The following SRRM1 variants were observed in gnomAD, a reference collection of about 807,000 sequenced individuals.
The protein encoded by SRRM1 is serine and arginine repetitive matrix 1, also known as serine/arginine repetitive matrix protein 1.
Under a neutral mutation model 110.2 loss-of-function variants are expected in SRRM1, and 19 were observed. The observed-to-expected ratio is 0.17, with a 90% CI of 0.12 to 0.25. SRRM1 has a LOEUF of 0.25. SRRM1 is among the 10% of genes least tolerant of loss of function. SRRM1 has a pLI of 1.00. For missense variants in SRRM1, 918 were observed against 1,145.8 expected, an observed-to-expected ratio of 0.80 and a Z score of 2.87; for synonymous variants, 443 against 414.9, an observed-to-expected ratio of 1.07 and a Z score of -0.82.
rs750987052 is a variant in SRRM1 at position 24,666,862 on chromosome 1, G to A, written c.1676G>A (p.Arg559Gln). 1.1e-5 allele frequency: 18 copies of A among 1,612,836 alleles called. No homozygotes were observed. Among genetic ancestry groups the A allele is most frequent in the Admixed American group, 5.0e-5 (3 of 59,724 alleles). Reference protein sequence around the residue: ...SPSPPPTRRRRSPSPAPPPRR... With the variant: ...SPSPPPTRRRQSPSPAPPPRR... ...TCCCCACCACCCACCAGAAGGCGAC[G>A]GTCTCCTTCTCCCGCCCCTCCTCCT... is the stretch of plus-strand genomic sequence containing the variant. Residue 559 changes from arginine to glutamine, a missense_variant, in exon 13 of 17, where the codon CGG becomes CAG. This residue lies in a region of SRRM1 where 357 missense variants were observed against 402.9 expected (regional missense o/e 0.89). Transcript: ENST00000323848.
At chr1:24,650,208 T>C in intron 5 of SRRM1, 122 bp downstream of exon 5, 1 of 919,092 alleles carries the variant, frequency 1.1e-6, no homozygotes, top group Non-Finnish European at 1.5e-6. Context: ...GCAGTTTTCA[T>C]GGTGACCTGT....
At chr1:24,658,176 A>T (rs1665249697) in intron 9 of SRRM1, among the ~76,000 whole-genome samples, 1 of 151,788 alleles carries the variant, frequency 6.6e-6, no homozygotes, top group Admixed American at 6.6e-5. Flanking sequence ...CCAGAGTAGG[A>T]GTATATAAAT....
intron 1 of SRRM1, among the ~76,000 whole-genome samples, chr1:24,644,844 CAAAT>C (rs1323388870): frequency 6.6e-6 from 1 of 152,182 alleles, no homozygotes; most frequent in Admixed American, 6.5e-5. Context: ...GAAAGGAGTC[CAAAT>C]AAATAAAAGA....
rs185764325 is a variant in SRRM1 at position 24,660,554 on chromosome 1, G to A, written c.1316-165G>A. Among the ~76,000 whole-genome samples, 155 of 152,272 alleles carry A rather than the reference G, an allele frequency of 1.0e-3. 1 individual carries two copies. The highest frequency in any genetic ancestry group is 3.6e-3 in the African/African-American group (150 of 41,554). ...AATCCCAACACTTTGGGAGGCTCAG[G>A]CAGGAGGATTGCTTGAGGTCAGGAG... On this transcript the variant is annotated intron_variant, in intron 9 of 16. Coordinates refer to ENST00000323848, the MANE Select transcript of SRRM1 (RefSeq NM_005839.4).
chr1:24,666,970 C>A, intron 13 of SRRM1, 45 bp downstream of exon 13: 2 of 1,202,406 alleles, frequency 1.7e-6, no homozygotes, highest in East Asian at 2.4e-5. Context: ...CCAACTCCCC[C>A]CGCCCCTGAT....
intron 14 of SRRM1, 155 bp downstream of exon 14, chr1:24,669,742 G>A: frequency 2.9e-6 from 2 of 683,318 alleles, no homozygotes; most frequent in African/African-American, 3.6e-5. Context: ...CATTTTTTGG[G>A]ATAGTTTCTG....
Position 24,666,852 on chromosome 1 carries a change from A to G in SRRM1, c.1666A>G (p.Arg556Gly). The G allele has an allele frequency of 6.2e-7, 1 of 1,613,572 alleles. No homozygotes were observed. Among genetic ancestry groups the G allele is most frequent in the Non-Finnish European group, 8.5e-7 (1 of 1,179,828 alleles). The change falls in exon 13 of 17, where the codon AGA becomes GGA. Residue 556 changes from arginine (R) to glycine (G), a missense_variant. This residue lies in a region of SRRM1 where 357 missense variants were observed against 402.9 expected (regional missense o/e 0.89). Coordinates refer to ENST00000323848, the MANE Select transcript of SRRM1 (RefSeq NM_005839.4). ...RRRSPSPPPTRRRRSPSPAPP... is the reference protein window; with the variant it reads ...RRRSPSPPPTGRRRSPSPAPP... ...GAGAAGTCCATCCCCACCACCCACC[A>G]GAAGGCGACGGTCTCCTTCTCCCGC...
At chr1:24,670,341 C>T (rs757180711) in intron 15 of SRRM1, 26 bp downstream of exon 15, 2 of 1,572,754 alleles carry the variant, frequency 1.3e-6, no homozygotes, top group East Asian at 2.3e-5. Context: ...ATTTTGGACA[C>T]CCTTTTATAA....
intron 7 of SRRM1, 67 bp downstream of exon 7, chr1:24,652,695 GATAA>G: frequency 7.0e-7 from 1 of 1,425,238 alleles, no homozygotes; most frequent in East Asian, 2.3e-5. Context: ...GGTACAATTA[GATAA>G]ATAATTTCAA....
Position 24,646,099 on chromosome 1 carries a change from G to T in SRRM1, c.111+26G>T, listed in dbSNP as rs757249224. 4 of 1,546,386 alleles carry T rather than the reference G, an allele frequency of 2.6e-6. No individual in the cohort carries two copies. In the South Asian group the frequency reaches 4.5e-5, roughly 17 times the overall value. On this transcript the variant is annotated intron_variant, in intron 2 of 16. Coordinates refer to ENST00000323848, the MANE Select transcript of SRRM1 (RefSeq NM_005839.4). ...GTATTCTTCTGGATGAGACTGTTGT[G>T]CATCTTTATAGCACACTTACTTGAC... is the stretch of plus-strand genomic sequence containing the variant.
chr1:24,644,310 C>G lies in SRRM1; in HGVS notation c.21+963C>G, dbSNP rs574005961. 2.0e-5 allele frequency among the ~76,000 whole-genome samples: 3 copies of G among 152,256 alleles called. No individual in the cohort carries two copies. In the South Asian group the frequency reaches 6.2e-4, roughly 32 times the overall value. On this transcript the variant is annotated intron_variant, in intron 1 of 16. Coordinates refer to ENST00000323848, the MANE Select transcript of SRRM1 (RefSeq NM_005839.4). ...ATCAAGATCTAGAAGGGACACAGGACTAGAGTTGAGCACCATTGGTCTCTC... is the reference window on the plus strand; with the variant it reads ...ATCAAGATCTAGAAGGGACACAGGAGTAGAGTTGAGCACCATTGGTCTCTC...
At chr1:24,662,246 G>C (rs1249936033) in intron 11 of SRRM1, among the ~76,000 whole-genome samples, 2 of 152,104 alleles carry the variant, frequency 1.3e-5, no homozygotes, top group Non-Finnish European at 2.9e-5. Flanking sequence ...TCAGGAGTTC[G>C]AGACCAGCCT....
intron 9 of SRRM1, among the ~76,000 whole-genome samples, chr1:24,659,683 C>T (rs1283189687): frequency 3.9e-5 from 6 of 152,188 alleles, no homozygotes; most frequent in Non-Finnish European, 8.8e-5. Flanking sequence ...GGTGAAGTTG[C>T]TTCTTTTTAA....
In SRRM1 at chr1:24,643,358, G is replaced by C; in HGVS notation, c.21+11G>C. The C allele has an allele frequency of 6.5e-7, 1 of 1,549,284 alleles. No individual in the cohort carries two copies. Among genetic ancestry groups the C allele is most frequent in the Admixed American group, 2.1e-5 (1 of 47,436 alleles). On this transcript the variant is annotated intron_variant, in intron 1 of 16. Transcript: ENST00000323848. ...GCGGGATTTTTCCGCGTAAGTAGAA[G>C]CGCCGGGCGCCGGGGTGAGGCCAGG...
intron 9 of SRRM1, among the ~76,000 whole-genome samples, chr1:24,657,918 ACTTAT>A (rs1221329200): frequency 3.3e-5 from 5 of 152,306 alleles, no homozygotes; most frequent in Admixed American, 3.3e-4. Flanking sequence ...TCACAGAGTA[ACTTAT>A]CTTTATAAGT....
At position 24,669,131 on chromosome 1, in the gene SRRM1, C is replaced by T; in HGVS notation, c.1748C>T (p.Ser583Phe). ...PTPPPRRRTPSPPPRRRSPSP... is the reference protein window; with the variant it reads ...PTPPPRRRTPFPPPRRRSPSP... Reference sequence around the variant, plus strand: ...ATGTATCTTTTTCCTAGGACTCCTTCTCCTCCCCCACGTCGGCGCTCACCT... The same window carrying T: ...ATGTATCTTTTTCCTAGGACTCCTTTTCCTCCCCCACGTCGGCGCTCACCT... The change falls in exon 14 of 17, where the codon TCT becomes TTT. Residue 583 changes from serine to phenylalanine, a missense_variant. This residue lies in a region of SRRM1 where 357 missense variants were observed against 402.9 expected (regional missense o/e 0.89). Transcript: ENST00000323848. 6.2e-7 allele frequency: 1 copy of T among 1,606,470 alleles called. No homozygotes were observed. Among genetic ancestry groups the T allele is most frequent in the Admixed American group, 1.7e-5 (1 of 59,462 alleles).
intron 1 of SRRM1, among the ~76,000 whole-genome samples, chr1:24,643,990 T>C (rs1023706587): frequency 3.9e-5 from 6 of 152,050 alleles, no homozygotes; most frequent in Admixed American, 2.0e-4. Flanking sequence ...GAATTTAAGG[T>C]TCTGTGAGGG....
At chr1:24,645,281 A>T (rs1355362976) in intron 1 of SRRM1, among the ~76,000 whole-genome samples, 2 of 152,182 alleles carry the variant, frequency 1.3e-5, no homozygotes, top group South Asian at 2.1e-4. Context: ...ATCGCTTTCC[A>T]GGGGACTGTG....
chr1:24,670,068 G>A (rs1671954842), intron 14 of SRRM1, 52 bp from the exon 15 acceptor site: 1 of 1,476,376 alleles, frequency 6.8e-7, no homozygotes, highest in African/African-American at 1.4e-5. Flanking sequence ...GTTTTCTCAT[G>A]TGAAGAGAGA....
Sources: allele counts gnomAD v4.1 joint callset (sites outside exome capture counted in the v4.1 genomes callset), GRCh38; gene constraint gnomAD v4.1.1; regional missense constraint gnomAD v4.1.1; transcripts MANE v1.5; gene names NCBI Gene and HGNC (gene_info 2026-07-23, HGNC 2026-07-21).